Variants in GALNTL6 observed in about 807,000 individuals in gnomAD.
The protein encoded by GALNTL6 is polypeptide N-acetylgalactosaminyltransferase-like 6.
In GALNTL6, 46 loss-of-function variants were observed where a neutral mutation model predicts 73.7. The observed-to-expected ratio is 0.62, with a 90% CI of 0.49 to 0.80. The LOEUF is 0.80. GALNTL6 is among the 30% of genes least tolerant of loss of function. The pLI is 0.00. For missense variants in GALNTL6, 604 were observed against 755.0 expected, an observed-to-expected ratio of 0.80 and a Z score of 2.34; for synonymous variants, 259 against 263.7, an observed-to-expected ratio of 0.98 and a Z score of 0.17.
At chr4:172,079,220 GT>G (rs35946515) in intron 2 of GALNTL6, among the ~76,000 whole-genome samples, 69,989 of 151,498 alleles carry the variant, frequency 0.46, 16,636 homozygotes, top group Admixed American at 0.49. Flanking sequence ...TATGTCATAG[GT>G]TTTTTTTGTC....
intron 7 of GALNTL6, among the ~76,000 whole-genome samples, chr4:172,822,218 G>T (rs533374996): frequency 6.6e-6 from 1 of 152,200 alleles, no homozygotes; most frequent in South Asian, 2.1e-4. Context: ...GTTTGTCTTG[G>T]TCTCTTGAGA....
At chr4:173,011,246 A>G (rs1198689201) in intron 11 of GALNTL6, among the ~76,000 whole-genome samples, 2 of 152,182 alleles carry the variant, frequency 1.3e-5, no homozygotes, top group African/African-American at 4.8e-5. Context: ...CTTATCTATT[A>G]CAGTTATTAA....
At chr4:171,817,783 T>A (rs939008574) in intron 2 of GALNTL6, among the ~76,000 whole-genome samples, 2 of 151,740 alleles carry the variant, frequency 1.3e-5, no homozygotes, top group African/African-American at 4.8e-5. Context: ...AGGATCGATA[T>A]AACAGTTTTA....
intron 5 of GALNTL6, among the ~76,000 whole-genome samples, chr4:172,730,703 T>C (rs1169208809): frequency 1.3e-5 from 2 of 152,124 alleles, no homozygotes; most frequent in Non-Finnish European, 2.9e-5. Context: ...GTAGCATCCT[T>C]GTCTGGTTTT....
At chr4:172,827,707 C>A (rs73871866) in intron 7 of GALNTL6, among the ~76,000 whole-genome samples, 6 of 152,112 alleles carry the variant, frequency 3.9e-5, no homozygotes, top group South Asian at 2.1e-4. Flanking sequence ...GAAAGCCAAG[C>A]TGAGCAGTGA....
At chr4:172,769,973 A>G (rs1417116654) in intron 5 of GALNTL6, among the ~76,000 whole-genome samples, 1 of 152,062 alleles carries the variant, frequency 6.6e-6, no homozygotes, top group Admixed American at 6.6e-5. Flanking sequence ...AAAACAAATG[A>G]GCTTTTATAG....
chr4:172,719,872 T>A (rs960415332), intron 5 of GALNTL6, among the ~76,000 whole-genome samples: 7 of 152,194 alleles, frequency 4.6e-5, no homozygotes, highest in Non-Finnish European at 8.8e-5. Context: ...TTTCTGATGA[T>A]ATGCTAAACA....
intron 2 of GALNTL6, among the ~76,000 whole-genome samples, chr4:172,096,016 A>G (rs921503625): frequency 3.4e-5 from 5 of 147,430 alleles, no homozygotes; most frequent in African/African-American, 1.3e-4. Flanking sequence ...GTTAAATATC[A>G]AGCTTCCTGG....
intron 2 of GALNTL6, among the ~76,000 whole-genome samples, chr4:172,075,545 C>T (rs1731676736): frequency 1.3e-5 from 2 of 152,098 alleles, no homozygotes; most frequent in South Asian, 4.1e-4. Flanking sequence ...CCGTCTTAGC[C>T]AGGATGGTCT....
chr4:172,067,378 T>C (rs1731397924), intron 2 of GALNTL6, among the ~76,000 whole-genome samples: 1 of 152,086 alleles, frequency 6.6e-6, no homozygotes, highest in Non-Finnish European at 1.5e-5. Context: ...TTCCTATCTC[T>C]GTACGCTCTA....
chr4:172,298,603 T>C (rs1208178707), intron 3 of GALNTL6, among the ~76,000 whole-genome samples: 1 of 152,216 alleles, frequency 6.6e-6, no homozygotes, highest in African/African-American at 2.4e-5. Context: ...TCAAAGACCT[T>C]TTCTGCATCT....
intron 7 of GALNTL6, among the ~76,000 whole-genome samples, chr4:172,835,681 G>A (rs148820836): frequency 5.3e-5 from 8 of 152,258 alleles, no homozygotes; most frequent in African/African-American, 9.6e-5. Flanking sequence ...GCAAGAAGCC[G>A]AATGCACTCC....
chr4:172,978,663 T>C (rs1750940455), intron 10 of GALNTL6, among the ~76,000 whole-genome samples: 1 of 152,242 alleles, frequency 6.6e-6, no homozygotes, highest in Non-Finnish European at 1.5e-5. Flanking sequence ...ACTTCTAAGT[T>C]AACATTTGAG....
intron 5 of GALNTL6, among the ~76,000 whole-genome samples, chr4:172,455,213 C>G (rs781167486): frequency 9.9e-5 from 15 of 152,190 alleles, no homozygotes; most frequent in Non-Finnish European, 2.1e-4. Flanking sequence ...CTTAGCAACC[C>G]GCAGACCAGG....
At chr4:173,011,963 A>G (rs982126460) in intron 11 of GALNTL6, among the ~76,000 whole-genome samples, 1 of 152,100 alleles carries the variant, frequency 6.6e-6, no homozygotes, top group Admixed American at 6.6e-5. Flanking sequence ...GAGTGCAGTG[A>G]TGTGATCAAA....
At chr4:172,406,562 G>A (rs1744244875) in intron 5 of GALNTL6, among the ~76,000 whole-genome samples, 1 of 151,808 alleles carries the variant, frequency 6.6e-6, no homozygotes, top group African/African-American at 2.4e-5. Flanking sequence ...CTATTGAACT[G>A]AATATCAGAT....
intron 2 of GALNTL6, among the ~76,000 whole-genome samples, chr4:171,978,746 T>G (rs1739795331): frequency 6.6e-6 from 1 of 152,192 alleles, no homozygotes; most frequent in South Asian, 2.1e-4. Flanking sequence ...TTTAATAATC[T>G]TGACTTTTAG....
intron 2 of GALNTL6, among the ~76,000 whole-genome samples, chr4:171,824,674 A>G (rs1370776557): frequency 6.6e-6 from 1 of 152,158 alleles, no homozygotes; most frequent in African/African-American, 2.4e-5. Flanking sequence ...GTTCCCACAC[A>G]CTTTCTTTCA....
intron 5 of GALNTL6, among the ~76,000 whole-genome samples, chr4:172,441,896 A>C (rs62331668): frequency 0.058 from 2,523 of 43,498 alleles, 26 homozygotes; most frequent in Non-Finnish European, 0.088. Context: ...ATGAGATAAG[A>C]ATTGATTTTT....
Sources: allele counts gnomAD v4.1 joint callset (sites outside exome capture counted in the v4.1 genomes callset), GRCh38; gene constraint gnomAD v4.1.1; transcripts MANE v1.5; gene names NCBI Gene and HGNC (gene_info 2026-07-23, HGNC 2026-07-21).